Variants in ZNF536 observed in about 807,000 individuals in gnomAD.
ZNF536 encodes zinc finger protein 536.
Under a neutral mutation model 84.5 loss-of-function variants are expected in ZNF536, and 13 were observed. The observed-to-expected ratio is 0.15, with a 90% CI of 0.10 to 0.24. The LOEUF is 0.24. Among genes scored for constraint, ZNF536 ranks in the 10% least tolerant of loss-of-function variants. ZNF536 has a pLI of 1.00. For synonymous variants in ZNF536, 811 were observed against 742.5 expected (o/e 1.09, Z -1.50); for missense variants, 1,536 against 1,747.5 (o/e 0.88, Z 2.16).
At position 30,394,208 on chromosome 19, in the gene ZNF536, C is replaced by T. The variant is rs2163810; in HGVS notation, c.-3+21652C>T. ...TGGTGGTCCAAGACTTTTCCTTAAA[C>T]GACTTTCCTTTTCTCCTTCTTGTGT... On this transcript the variant is annotated intron_variant, in intron 1 of 4. Transcript: ENST00000355537. Among the ~76,000 whole-genome samples, 1,355 of 152,246 alleles carry T rather than the reference C, an allele frequency of 8.9e-3. 23 individuals carry two copies. Among genetic ancestry groups the T allele is most frequent in the African/African-American group, 0.031 (1,286 of 41,534 alleles).
chr19:30,449,368 T>A (rs2052494073), intron 2 of ZNF536, among the ~76,000 whole-genome samples: 1 of 152,224 alleles, frequency 6.6e-6, no homozygotes, highest in African/African-American at 2.4e-5. Context: ...AACACTCTTA[T>A]GGCATTAATC....
rs1363043106 is a variant in ZNF536 at position 30,383,978 on chromosome 19, C to T, written c.-3+11422C>T. 2.8e-4 allele frequency among the ~76,000 whole-genome samples: 27 copies of T among 96,670 alleles called. No individual in the cohort carries two copies. The East Asian group carries it at 9.0e-3, about 32-fold the overall frequency. The allele number at this position is 96,670 out of a possible 152,430, so 63.4% of individuals were successfully genotyped here. ...CCCTCCCCTTCCCTTCCTTCTTCCA[C>T]TCTGCCAGCTGGATGTGGACACAGC... is the stretch of plus-strand genomic sequence containing the variant. On this transcript the variant is annotated intron_variant, in intron 1 of 4. Coordinates refer to ENST00000355537, the MANE Select transcript of ZNF536 (RefSeq NM_014717.3).
chr19:30,474,453 G>A (rs189589449), intron 2 of ZNF536, among the ~76,000 whole-genome samples: 13 of 152,054 alleles, frequency 8.5e-5, no homozygotes, highest in Admixed American at 2.0e-4. Flanking sequence ...TCAGACACCC[G>A]CCCTTTTCCC....
In ZNF536 at chr19:30,358,012, G is replaced by A. The variant is rs567916528; in HGVS notation, c.-3+5528G>A. ...TCTCCTGTTCACTGCAGGGAAACTG[G>A]GTCATTATGGGTCATCATGGGTCAT... On this transcript the variant is annotated intron_variant, in intron 3 of 5. Coordinates refer to the ZNF536 transcript ENST00000585628. Among the ~76,000 whole-genome samples the A allele has an allele frequency of 1.1e-4, 17 of 152,280 alleles. No homozygotes were observed. The South Asian group carries it at 3.1e-3, about 28-fold the overall frequency.
chr19:30,644,112 T>C (rs1438965465), intron 1 of ZNF536, among the ~76,000 whole-genome samples: 6 of 152,214 alleles, frequency 3.9e-5, no homozygotes, highest in African/African-American at 1.4e-4. Context: ...TTAACTTTAC[T>C]TGTTCAAGAA....
chr19:30,433,282 T>C (rs1461067365), intron 1 of ZNF536, among the ~76,000 whole-genome samples: 1 of 152,226 alleles, frequency 6.6e-6, no homozygotes. Context: ...TGAAGCTCTC[T>C]GCAATTCAGC....
intron 1 of ZNF536, among the ~76,000 whole-genome samples, chr19:30,231,768 C>T (rs2023067449): frequency 6.6e-6 from 1 of 151,838 alleles, no homozygotes; most frequent in African/African-American, 2.4e-5. Flanking sequence ...AGGGAGTGGC[C>T]CCCTAGGTTG....
chr19:30,579,495 CT>C (rs2046847673), intron 1 of ZNF536, among the ~76,000 whole-genome samples: 1 of 152,176 alleles, frequency 6.6e-6, no homozygotes, highest in African/African-American at 2.4e-5. Context: ...GCAGGTTAGC[CT>C]GGGCTCGTTC....
At chr19:30,439,955 C>CTTTCTTTTTTTTTTTTTTTTTTT in intron 1 of ZNF536, among the ~76,000 whole-genome samples, 1 of 133,046 alleles carries the variant, frequency 7.5e-6, no homozygotes, top group South Asian at 2.4e-4. Flanking sequence ...CTTTTTCTTT[C>CTTTCTTTTTTTTTTTTTTTTTTT]TTTCTTTTTT....
intron 1 of ZNF536, among the ~76,000 whole-genome samples, chr19:30,591,818 C>A (rs1162449471): frequency 6.6e-6 from 1 of 152,160 alleles, no homozygotes; most frequent in African/African-American, 2.4e-5. Context: ...GGGCACCACC[C>A]TTCAGAATTC....
At chr19:30,439,955 C>CTTTTTTTTT (rs1369505835) in intron 1 of ZNF536, among the ~76,000 whole-genome samples, 24 of 133,038 alleles carry the variant, frequency 1.8e-4, no homozygotes, top group African/African-American at 4.4e-4. Flanking sequence ...CTTTTTCTTT[C>CTTTTTTTTT]TTTCTTTTTT....
downstream of ZNF536, among the ~76,000 whole-genome samples, chr19:30,562,042 C>T (rs2046187422): frequency 6.6e-6 from 1 of 152,182 alleles, no homozygotes; most frequent in South Asian, 2.1e-4. Context: ...GGAGGAAAGA[C>T]TGGCGGGCTG....
intron 1 of ZNF536, among the ~76,000 whole-genome samples, chr19:30,252,769 A>G (rs1381164328): frequency 6.6e-6 from 1 of 152,228 alleles, no homozygotes; most frequent in Non-Finnish European, 1.5e-5. Flanking sequence ...TTGATTCTCC[A>G]TTAGATCCCA....
rs377339349 is a variant in ZNF536 at position 30,314,635 on chromosome 19, A to G, written c.-120+30494A>G. ...GTTATCTTTGCACTTTGACCTAAGT[A>G]GCTTTCCCTGTGGGCCTGTGCTCTG... On this transcript the variant is annotated intron_variant, in intron 2 of 5. Coordinates refer to the ZNF536 transcript ENST00000585628. 2.6e-5 allele frequency among the ~76,000 whole-genome samples: 4 copies of G among 152,240 alleles called. No individual in the cohort carries two copies. In the East Asian group the frequency reaches 7.7e-4, roughly 29 times the overall value.
chr19:30,694,910 G>C (rs1369335199), intron 1 of ZNF536, among the ~76,000 whole-genome samples: 1 of 152,180 alleles, frequency 6.6e-6, no homozygotes, highest in African/African-American at 2.4e-5. Context: ...AGGGCAGGGC[G>C]TGGTTCTTGG....
rs912674011 is a variant in ZNF536 at position 30,314,094 on chromosome 19, C to T, written c.-120+29953C>T. On this transcript the variant is annotated intron_variant, in intron 2 of 5. Transcript: ENST00000585628. ...GGCTGGTGTGCTAAGCAAATGCTTG[C>T]TTTGCTTATTGGAGGCCCCTGCTGT... Among the ~76,000 whole-genome samples, 31 of 152,176 alleles carry T rather than the reference C, an allele frequency of 2.0e-4. 1 individual carries two copies.
chr19:30,280,648 A>G (rs536947346), intron 1 of ZNF536, among the ~76,000 whole-genome samples: 77 of 152,342 alleles, frequency 5.1e-4, no homozygotes, highest in African/African-American at 1.8e-3. Context: ...CTCTGTGCTA[A>G]ACTCAGGGCC....
At chr19:30,236,528 G>GT (rs2023520823) in intron 1 of ZNF536, among the ~76,000 whole-genome samples, 2 of 139,898 alleles carry the variant, frequency 1.4e-5, no homozygotes, top group African/African-American at 2.9e-5. Context: ...TAAAGTTGGG[G>GT]CGGGGGGGGG....
At chr19:30,401,672 A>C (rs1007575229) in intron 1 of ZNF536, among the ~76,000 whole-genome samples, 4 of 152,288 alleles carry the variant, frequency 2.6e-5, no homozygotes, top group Non-Finnish European at 5.9e-5. Context: ...CCATTTAAAT[A>C]GTAATAAAAT....
Sources: gnomAD v4.1 joint callset for allele counts (sites outside exome capture counted in the v4.1 genomes callset) on GRCh38, gnomAD v4.1.1 for gene constraint, MANE v1.5 for transcripts, NCBI Gene and HGNC (gene_info 2026-07-23, HGNC 2026-07-21) for gene names.